The following ROCK1 variants were observed in gnomAD, a reference collection of about 807,000 sequenced individuals.
The protein encoded by ROCK1 is rho-associated protein kinase 1.
A neutral mutation model predicts 196.8 loss-of-function variants in ROCK1; 36 were observed. The ratio of observed to expected loss-of-function variants is 0.18; its 90% confidence interval spans 0.14 to 0.24. ROCK1 has a LOEUF of 0.24. Among genes scored for constraint, ROCK1 ranks in the 10% least tolerant of loss-of-function variants. The pLI, the probability that ROCK1 is intolerant of heterozygous loss-of-function variation, is 1.00. For missense variants in ROCK1, 920 were observed against 1,562.0 expected (o/e 0.59, Z 6.93); for synonymous variants, 443 against 515.9 (o/e 0.86, Z 1.91).
At chr18:21,007,978 T>G in intron 14 of ROCK1, 81 bp downstream of exon 14, 1 of 1,022,570 alleles carries the variant, frequency 9.8e-7, no homozygotes, top group South Asian at 2.0e-5. Context: ...GCTTCATGTA[T>G]GTATCATGGA....
At chr18:21,035,847 T>C (rs1370880608) in intron 9 of ROCK1, among the ~76,000 whole-genome samples, 1 of 152,192 alleles carries the variant, frequency 6.6e-6, no homozygotes, top group Admixed American at 6.5e-5. Context: ...GTAATCTACT[T>C]AAACGAAACA....
At chr18:21,069,957 CTAT>C (rs1159831508) in intron 2 of ROCK1, among the ~76,000 whole-genome samples, 1 of 151,844 alleles carries the variant, frequency 6.6e-6, no homozygotes, top group East Asian at 1.9e-4. Flanking sequence ...AAAGATATGA[CTAT>C]TTAGAAAAAC....
intron 9 of ROCK1, among the ~76,000 whole-genome samples, chr18:21,030,973 A>G (rs371778423): frequency 6.6e-6 from 1 of 152,220 alleles, no homozygotes; most frequent in East Asian, 1.9e-4. Context: ...ATGAAGAAAG[A>G]GGCTATAAAA....
intron 29 of ROCK1, among the ~76,000 whole-genome samples, chr18:20,956,176 A>T (rs944182948): frequency 6.6e-6 from 1 of 152,056 alleles, no homozygotes; most frequent in Non-Finnish European, 1.5e-5. Flanking sequence ...GAAGAGAGAG[A>T]GTGAAAGAGA....
chr18:21,003,847 A>G (rs2035746969), intron 16 of ROCK1, among the ~76,000 whole-genome samples: 2 of 152,192 alleles, frequency 1.3e-5, no homozygotes, highest in African/African-American at 4.8e-5. Context: ...ACATAATGCA[A>G]ATATTCTCAC....
At chr18:21,102,741 C>T (rs1398305096) in intron 1 of ROCK1, among the ~76,000 whole-genome samples, 2 of 152,056 alleles carry the variant, frequency 1.3e-5, no homozygotes, top group East Asian at 3.9e-4. Flanking sequence ...TGGCGCTTGC[C>T]TGTAGTCCCA....
At chr18:21,062,409 T>C (rs1057333655) in intron 2 of ROCK1, among the ~76,000 whole-genome samples, 10 of 152,102 alleles carry the variant, frequency 6.6e-5, no homozygotes, top group African/African-American at 2.4e-4. Flanking sequence ...CAAAAGCAAT[T>C]GAGATTTTTG....
intron 4 of ROCK1, among the ~76,000 whole-genome samples, chr18:21,045,980 G>A (rs538097282): frequency 7.0e-4 from 99 of 141,182 alleles, no homozygotes; most frequent in Non-Finnish European, 1.4e-3. Context: ...GCGTGATGTC[G>A]GCTCACTGCA....
At chr18:20,965,454 G>A (rs1173877719) in intron 27 of ROCK1, among the ~76,000 whole-genome samples, 1 of 151,534 alleles carries the variant, frequency 6.6e-6, no homozygotes, top group Non-Finnish European at 1.5e-5. Context: ...TATACATAGA[G>A]TAAGAATGTA....
chr18:20,958,945 A>AAT (rs539358819), intron 29 of ROCK1, among the ~76,000 whole-genome samples: 9 of 87,768 alleles, frequency 1.0e-4, no homozygotes, highest in South Asian at 2.8e-4. Context: ...TATAAAAAAT[A>AAT]ATATATATAT....
At chr18:21,013,915 A>C (rs1339898551) in intron 13 of ROCK1, among the ~76,000 whole-genome samples, 1 of 151,884 alleles carries the variant, frequency 6.6e-6, no homozygotes, top group East Asian at 1.9e-4. Context: ...ATATATAAAA[A>C]ATTAGCCAGG....
intron 1 of ROCK1, among the ~76,000 whole-genome samples, chr18:21,096,782 A>C (rs1293246796): frequency 6.6e-6 from 1 of 152,184 alleles, no homozygotes. Flanking sequence ...GAAAGGGGAG[A>C]TAATCATTCA....
intron 2 of ROCK1, among the ~76,000 whole-genome samples, chr18:21,053,784 C>G (rs921184647): frequency 6.6e-6 from 1 of 152,102 alleles, no homozygotes; most frequent in African/African-American, 2.4e-5. Context: ...CTGCAGTGAG[C>G]TATGAATGTG....
At chr18:21,027,975 A>G (rs1259228331) in intron 10 of ROCK1, among the ~76,000 whole-genome samples, 1 of 144,562 alleles carries the variant, frequency 6.9e-6, no homozygotes, top group Admixed American at 6.8e-5. Context: ...GTTAGCCAGG[A>G]TGGTCTCGAT....
intron 2 of ROCK1, among the ~76,000 whole-genome samples, chr18:21,057,746 A>C (rs1442394254): frequency 3.3e-5 from 5 of 152,138 alleles, no homozygotes; most frequent in African/African-American, 7.2e-5. Context: ...ACTTGAACTC[A>C]AGAGGTGGAG....
intron 4 of ROCK1, among the ~76,000 whole-genome samples, chr18:21,045,899 G>GT (rs34360056): frequency 0.026 from 1,651 of 62,504 alleles, 388 homozygotes; most frequent in East Asian, 0.054. Flanking sequence ...AGTTTCAGCT[G>GT]TTTTTTTTTT....
chr18:21,096,904 G>C (rs1275128299), intron 1 of ROCK1, among the ~76,000 whole-genome samples: 4 of 152,138 alleles, frequency 2.6e-5, no homozygotes, highest in Non-Finnish European at 5.9e-5. Context: ...AGACAACTAT[G>C]ATCAATTTCT....
intron 9 of ROCK1, among the ~76,000 whole-genome samples, chr18:21,032,943 C>T (rs898174170): frequency 2.0e-5 from 3 of 152,006 alleles, no homozygotes; most frequent in Admixed American, 1.3e-4. Flanking sequence ...ACACCTGTAA[C>T]CCTAGCACTT....
At chr18:21,095,060 A>T (rs1214407384) in intron 1 of ROCK1, among the ~76,000 whole-genome samples, 3 of 151,684 alleles carry the variant, frequency 2.0e-5, no homozygotes, top group Non-Finnish European at 4.4e-5. Context: ...CAAAAAAAAA[A>T]AAAAAAAAAA....
Sources: allele counts gnomAD v4.1 joint callset (sites outside exome capture counted in the v4.1 genomes callset), GRCh38; gene constraint gnomAD v4.1.1; transcripts MANE v1.5; gene names NCBI Gene and HGNC (gene_info 2026-07-23, HGNC 2026-07-21).